INPP4B: variants seen among roughly 807,000 people sequenced by gnomAD.
The protein encoded by INPP4B is inositol polyphosphate 4-phosphatase type II.
Under a neutral mutation model 122.5 loss-of-function variants are expected in INPP4B, and 55 were observed. That is an observed-to-expected ratio of 0.45 (90% CI 0.36 to 0.56). The LOEUF (loss-of-function observed/expected upper bound fraction) is 0.56. INPP4B is among the 20% of genes least tolerant of loss of function. The probability of loss-of-function intolerance (pLI) is 0.00; values close to 1 mark genes in which losing one functional copy is unlikely to be tolerated. For missense variants in INPP4B, 1,000 were observed against 1,097.7 expected (o/e 0.91, Z 1.26); for synonymous variants, 403 against 388.7 (o/e 1.04, Z -0.43).
At chr4:142,368,400 A>G (rs1161515751) in intron 7 of INPP4B, among the ~76,000 whole-genome samples, 1 of 152,148 alleles carries the variant, frequency 6.6e-6, no homozygotes, top group African/African-American at 2.4e-5. Flanking sequence ...GGGCAATGGC[A>G]TCATTACTCC....
At chr4:142,406,265 G>T (rs1182018169) in intron 5 of INPP4B, among the ~76,000 whole-genome samples, 2 of 152,128 alleles carry the variant, frequency 1.3e-5, no homozygotes, top group Non-Finnish European at 2.9e-5. Flanking sequence ...ATGGATGGGG[G>T]AAGTAGCCCT....
chr4:142,562,716 T>A (rs75684557), intron 2 of INPP4B, among the ~76,000 whole-genome samples: 1 of 151,502 alleles, frequency 6.6e-6, no homozygotes, highest in Non-Finnish European at 1.5e-5. Context: ...GAAAAAAAAA[T>A]AGAGAGATAA....
chr4:142,737,679 T>C (rs1767173253), intron 1 of INPP4B, among the ~76,000 whole-genome samples: 3 of 152,118 alleles, frequency 2.0e-5, no homozygotes, highest in Non-Finnish European at 2.9e-5. Flanking sequence ...ACAGGCAACC[T>C]ACAGAATGGG....
At chr4:142,043,998 G>A (rs1238939743) in intron 25 of INPP4B, among the ~76,000 whole-genome samples, 1 of 152,136 alleles carries the variant, frequency 6.6e-6, no homozygotes, top group Admixed American at 6.6e-5. Context: ...ACTGGAGAAT[G>A]AAGAGGAAAG....
intron 16 of INPP4B, among the ~76,000 whole-genome samples, chr4:142,164,616 A>T (rs1369594953): frequency 6.6e-6 from 1 of 151,822 alleles, no homozygotes; most frequent in Non-Finnish European, 1.5e-5. Flanking sequence ...GCCCTTGGAA[A>T]AACCACATAA....
At chr4:142,558,793 TAAA>T (rs34151070) in intron 2 of INPP4B, among the ~76,000 whole-genome samples, 1,549 of 75,384 alleles carry the variant, frequency 0.021, 11 homozygotes, top group Non-Finnish European at 0.025. Flanking sequence ...AGACTCCCTC[TAAA>T]AAAAAAAAAA....
intron 3 of INPP4B, among the ~76,000 whole-genome samples, chr4:142,456,599 T>A (rs1815473820): frequency 6.6e-6 from 1 of 152,050 alleles, no homozygotes; most frequent in African/African-American, 2.4e-5. Flanking sequence ...TCATATAGAA[T>A]ATAAAATATA....
intron 2 of INPP4B, among the ~76,000 whole-genome samples, chr4:142,659,385 G>A (rs910311023): frequency 1.9e-4 from 29 of 151,656 alleles, no homozygotes; most frequent in African/African-American, 5.3e-4. Flanking sequence ...CAACCTGGGC[G>A]ACAGAGTGAG....
chr4:142,623,657 T>C (rs1297393159), intron 2 of INPP4B, among the ~76,000 whole-genome samples: 1 of 151,894 alleles, frequency 6.6e-6, no homozygotes, highest in South Asian at 2.1e-4. Context: ...CATGCTCGTG[T>C]GCTGCACCCA....
chr4:142,600,413 G>A (rs891625393), intron 2 of INPP4B, among the ~76,000 whole-genome samples: 1 of 152,138 alleles, frequency 6.6e-6, no homozygotes, highest in African/African-American at 2.4e-5. Flanking sequence ...TTTCACAGAT[G>A]AGCAAATGCT....
intron 2 of INPP4B, among the ~76,000 whole-genome samples, chr4:142,634,749 G>A (rs927559498): frequency 6.6e-6 from 1 of 151,764 alleles, no homozygotes; most frequent in Non-Finnish European, 1.5e-5. Flanking sequence ...TTTTGAGACT[G>A]GAAATTTTTA....
intron 25 of INPP4B, among the ~76,000 whole-genome samples, chr4:142,063,973 A>T (rs1762268165): frequency 6.6e-6 from 1 of 152,204 alleles, no homozygotes; most frequent in African/African-American, 2.4e-5. Context: ...AACTTTAAGG[A>T]TTGCATAATG....
chr4:142,341,203 C>T (rs1778585263), intron 7 of INPP4B, among the ~76,000 whole-genome samples: 3 of 152,012 alleles, frequency 2.0e-5, no homozygotes, highest in Admixed American at 1.3e-4. Flanking sequence ...TATGTAAATG[C>T]CATTTGATGT....
intron 8 of INPP4B, among the ~76,000 whole-genome samples, chr4:142,312,554 A>C (rs1159275516): frequency 6.6e-6 from 1 of 152,200 alleles, no homozygotes; most frequent in African/African-American, 2.4e-5. Context: ...AAGGATCAGC[A>C]GAGAGATGGC....
intron 1 of INPP4B, among the ~76,000 whole-genome samples, chr4:142,817,233 C>A (rs966099057): frequency 6.6e-6 from 1 of 152,068 alleles, no homozygotes; most frequent in Admixed American, 6.6e-5. Context: ...ATTCATTTAA[C>A]AAAGTGGTTG....
At chr4:142,661,482 A>T (rs1029046614) in intron 2 of INPP4B, among the ~76,000 whole-genome samples, 2 of 152,340 alleles carry the variant, frequency 1.3e-5, no homozygotes, top group Non-Finnish European at 2.9e-5. Flanking sequence ...TATAAACAAG[A>T]TGTGGTAGAA....
intron 7 of INPP4B, among the ~76,000 whole-genome samples, chr4:142,357,002 C>A (rs1284805443): frequency 6.6e-6 from 1 of 151,986 alleles, no homozygotes; most frequent in Non-Finnish European, 1.5e-5. Flanking sequence ...CAAGAGGGGG[C>A]ACACCCCAAC....
At chr4:142,798,916 C>A (rs1336754791) in intron 1 of INPP4B, among the ~76,000 whole-genome samples, 2 of 150,822 alleles carry the variant, frequency 1.3e-5, no homozygotes, top group African/African-American at 4.9e-5. Context: ...AGAACAAAAA[C>A]CGGAAATGGT....
At chr4:142,327,854 T>C (rs571162709) in intron 7 of INPP4B, among the ~76,000 whole-genome samples, 2 of 152,190 alleles carry the variant, frequency 1.3e-5, no homozygotes, top group African/African-American at 4.8e-5. Flanking sequence ...CTTCCCAGGT[T>C]ATGTGGCTAG....
Sources: allele counts gnomAD v4.1 joint callset (sites outside exome capture counted in the v4.1 genomes callset), GRCh38; gene constraint gnomAD v4.1.1; transcripts MANE v1.5; gene names NCBI Gene and HGNC (gene_info 2026-07-23, HGNC 2026-07-21).